ZNF521: variants seen among roughly 807,000 people sequenced by gnomAD.
ZNF521 encodes the protein LYST-interacting protein 3.
A neutral mutation model predicts 105.5 loss-of-function variants in ZNF521; 14 were observed. That is an observed-to-expected ratio of 0.13 (90% CI 0.09 to 0.21). The LOEUF is 0.21. ZNF521 is among the 10% of genes least tolerant of loss of function. The pLI, the probability that ZNF521 is intolerant of heterozygous loss-of-function variation, is 1.00. For missense variants in ZNF521, 1,233 were observed against 1,629.7 expected (o/e 0.76, Z 4.19); for synonymous variants, 635 against 606.0 (o/e 1.05, Z -0.70).
intron 4 of ZNF521, among the ~76,000 whole-genome samples, chr18:25,210,449 G>A (rs1388119791): frequency 6.6e-6 from 1 of 152,124 alleles, no homozygotes; most frequent in East Asian, 1.9e-4. Flanking sequence ...GTTTGCTTAT[G>A]TAATACAATG....
At chr18:25,342,432 T>TTTGG (rs534748272) in intron 2 of ZNF521, among the ~76,000 whole-genome samples, 1 of 150,358 alleles carries the variant, frequency 6.7e-6, no homozygotes, top group Non-Finnish European at 1.5e-5. Flanking sequence ...TGTTTGTTTG[T>TTTGG]TTTTTTTGAG....
chr18:25,316,727 A>G (rs917376580), intron 3 of ZNF521, among the ~76,000 whole-genome samples: 2 of 151,722 alleles, frequency 1.3e-5, no homozygotes, highest in South Asian at 2.1e-4. Context: ...CTCCACTTAC[A>G]CTTTGCCTCC....
At chr18:25,284,962 A>G (rs1190897716) in intron 3 of ZNF521, among the ~76,000 whole-genome samples, 6 of 151,920 alleles carry the variant, frequency 3.9e-5, no homozygotes, top group Non-Finnish European at 2.9e-5. Context: ...TGACTATTTC[A>G]AAAGCCACAT....
intron 5 of ZNF521, among the ~76,000 whole-genome samples, chr18:25,100,432 C>T (rs1018164673): frequency 2.6e-5 from 4 of 152,080 alleles, no homozygotes; most frequent in Non-Finnish European, 5.9e-5. Flanking sequence ...CCTTCTGATT[C>T]TGTTTATTAA....
chr18:25,232,955 T>C (rs961452705), intron 3 of ZNF521, among the ~76,000 whole-genome samples: 6 of 152,172 alleles, frequency 3.9e-5, no homozygotes, highest in Non-Finnish European at 8.8e-5. Flanking sequence ...CACAGTACTT[T>C]TTCAGTCATT....
At chr18:25,176,304 A>C (rs2035533519) in intron 5 of ZNF521, among the ~76,000 whole-genome samples, 1 of 152,178 alleles carries the variant, frequency 6.6e-6, no homozygotes, top group Admixed American at 6.5e-5. Flanking sequence ...TTATCACCAG[A>C]GTTTGCAAGC....
chr18:25,183,674 T>G (rs2144598617), intron 5 of ZNF521, among the ~76,000 whole-genome samples: 1 of 152,288 alleles, frequency 6.6e-6, no homozygotes, highest in East Asian at 1.9e-4. Context: ...AATAGTATAA[T>G]GTGAGAGCCA....
chr18:25,256,994 G>A (rs1354883079), intron 3 of ZNF521, among the ~76,000 whole-genome samples: 5 of 152,036 alleles, frequency 3.3e-5, no homozygotes, highest in East Asian at 1.9e-4. Flanking sequence ...CATTCTGGGC[G>A]AAGTCAAAAG....
At chr18:25,251,636 G>C (rs117414740) in intron 3 of ZNF521, among the ~76,000 whole-genome samples, 2 of 152,152 alleles carry the variant, frequency 1.3e-5, no homozygotes. Context: ...CAATATGTTA[G>C]TGATGACATT....
At chr18:25,263,595 G>A (rs1909060483) in intron 3 of ZNF521, among the ~76,000 whole-genome samples, 2 of 151,912 alleles carry the variant, frequency 1.3e-5, no homozygotes, top group South Asian at 2.1e-4. Context: ...TTTGTTTTTG[G>A]AACAGAGTCT....
intron 3 of ZNF521, among the ~76,000 whole-genome samples, chr18:25,290,283 C>T (rs1639040195): frequency 6.6e-6 from 1 of 152,110 alleles, no homozygotes; most frequent in Non-Finnish European, 1.5e-5. Context: ...GTTGGCCTTC[C>T]TCTGAAAGAC....
chr18:25,111,285 T>A (rs1177698998), intron 5 of ZNF521, among the ~76,000 whole-genome samples: 4 of 152,176 alleles, frequency 2.6e-5, no homozygotes, highest in Admixed American at 2.6e-4. Flanking sequence ...TCAATGCTAC[T>A]GCATTCCACT....
chr18:25,112,273 C>A (rs1427176989), intron 5 of ZNF521, among the ~76,000 whole-genome samples: 1 of 152,152 alleles, frequency 6.6e-6, no homozygotes, highest in African/African-American at 2.4e-5. Flanking sequence ...TCGCTAGGGG[C>A]CCGTGACAAA....
intron 5 of ZNF521, among the ~76,000 whole-genome samples, chr18:25,158,463 A>G (rs2035189028): frequency 1.3e-5 from 2 of 152,128 alleles, no homozygotes; most frequent in Non-Finnish European, 2.9e-5. Context: ...AAAAATACAG[A>G]TTATTCAAAG....
At chr18:25,219,483 AGGC>A (rs1905552576) in intron 4 of ZNF521, among the ~76,000 whole-genome samples, 1 of 152,206 alleles carries the variant, frequency 6.6e-6, no homozygotes. Context: ...TACGTGTAGC[AGGC>A]AGCTGTTTAT....
At chr18:25,350,308 G>C (rs1355920788) in intron 2 of ZNF521, among the ~76,000 whole-genome samples, 1 of 151,686 alleles carries the variant, frequency 6.6e-6, no homozygotes, top group African/African-American at 2.4e-5. Context: ...TCTGAGGCCC[G>C]AGCCGGGGTC....
chr18:25,099,310 C>T (rs186030030), intron 5 of ZNF521, among the ~76,000 whole-genome samples: 2 of 152,226 alleles, frequency 1.3e-5, no homozygotes, highest in African/African-American at 4.8e-5. Flanking sequence ...AATTTTGCTC[C>T]GTTCCCTTGT....
intron 3 of ZNF521, among the ~76,000 whole-genome samples, chr18:25,252,051 C>T (rs1023798463): frequency 2.6e-5 from 4 of 152,054 alleles, no homozygotes; most frequent in Non-Finnish European, 4.4e-5. Flanking sequence ...AGAAACAGGA[C>T]AGGGAAGTAA....
intron 5 of ZNF521, among the ~76,000 whole-genome samples, chr18:25,181,786 T>C (rs1239015703): frequency 6.6e-6 from 1 of 152,170 alleles, no homozygotes; most frequent in Non-Finnish European, 1.5e-5. Context: ...TTATAGACAC[T>C]GGTACCGAAA....
Sources: allele counts gnomAD v4.1 joint callset (sites outside exome capture counted in the v4.1 genomes callset), GRCh38; gene constraint gnomAD v4.1.1; transcripts MANE v1.5; gene names NCBI Gene and HGNC (gene_info 2026-07-23, HGNC 2026-07-21).